Variants in VCF1 observed in about 807,000 individuals in gnomAD.
VCF1 encodes the protein protein VCF1.
At chr17:73,220,871 G>A in the VCF1 span, among the ~76,000 whole-genome samples, 1 of 147,346 alleles carries the variant, frequency 6.8e-6, no homozygotes, top group Non-Finnish European at 1.5e-5. Flanking sequence ...CTTTTAAAAG[G>A]TATTGCTTTT....
the VCF1 span, chr17:73,227,244 T>C: frequency 6.4e-7 from 1 of 1,574,394 alleles, no homozygotes. Context: ...GTCTTCTTCG[T>C]TGCCATTCCT....
At chr17:73,220,162 A>G in the VCF1 span, among the ~76,000 whole-genome samples, 3 of 152,180 alleles carry the variant, frequency 2.0e-5, no homozygotes, top group Admixed American at 6.6e-5. Flanking sequence ...AGAGCTTAAA[A>G]TAACATTTAA....
chr17:73,227,108 A>G, the VCF1 span: 19 of 1,200,960 alleles, frequency 1.6e-5, no homozygotes, highest in African/African-American at 2.5e-4. Flanking sequence ...CACAGCAGAT[A>G]CTAGGTTATT....
chr17:73,227,157 C>T, the VCF1 span: 1 of 1,566,526 alleles, frequency 6.4e-7, no homozygotes, highest in Non-Finnish European at 8.7e-7. Flanking sequence ...TGTGACCACA[C>T]TTCCTACCTC....
At chr17:73,207,651 T>G in the VCF1 span, 1 of 1,282,222 alleles carries the variant, frequency 7.8e-7, no homozygotes, top group African/African-American at 1.5e-5. Flanking sequence ...AACAGAAAAT[T>G]TGTTTCCCCA....
the VCF1 span, chr17:73,229,499 T>G: frequency 4.1e-6 from 4 of 985,326 alleles, no homozygotes; most frequent in African/African-American, 7.0e-5. Flanking sequence ...AGATGGTTGA[T>G]TCCATCACGT....
the VCF1 span, among the ~76,000 whole-genome samples, chr17:73,222,327 AT>A: frequency 2.0e-5 from 3 of 151,936 alleles, no homozygotes; most frequent in East Asian, 5.8e-4. Flanking sequence ...CTAATCAGAG[AT>A]TTGGAAAAAA....
the VCF1 span, chr17:73,232,192 C>T: frequency 1.2e-6 from 2 of 1,609,844 alleles, no homozygotes; most frequent in East Asian, 4.5e-5. Flanking sequence ...CCGCCACGCC[C>T]ACCCCCTCGG....
the VCF1 span, chr17:73,232,362 C>A: frequency 3.4e-6 from 5 of 1,473,218 alleles, no homozygotes; most frequent in Admixed American, 2.3e-5. Context: ...CCATCCCAAC[C>A]GCACCGACTG....
At chr17:73,208,255 C>T in the VCF1 span, 30 of 1,610,340 alleles carry the variant, frequency 1.9e-5, no homozygotes, top group Middle Eastern at 2.2e-4. Context: ...GCGCGGAGGG[C>T]GAGTGGGCAG....
At chr17:73,215,501 T>C in the VCF1 span, among the ~76,000 whole-genome samples, 1 of 152,064 alleles carries the variant, frequency 6.6e-6, no homozygotes, top group Non-Finnish European at 1.5e-5. Context: ...CTTGAACTCC[T>C]GGGCTCAAGA....
chr17:73,232,167 G>A, the VCF1 span: 3 of 1,609,890 alleles, frequency 1.9e-6, no homozygotes, highest in African/African-American at 2.7e-5. Flanking sequence ...AACAGAGGGG[G>A]TTGTGTTTCG....
At chr17:73,223,853 T>C in the VCF1 span, among the ~76,000 whole-genome samples, 1 of 151,564 alleles carries the variant, frequency 6.6e-6, no homozygotes, top group East Asian at 2.0e-4. Flanking sequence ...TGGTGGCACA[T>C]CCCTGTAGTC....
At chr17:73,221,354 G>GA in the VCF1 span, among the ~76,000 whole-genome samples, 1 of 151,480 alleles carries the variant, frequency 6.6e-6, no homozygotes, top group African/African-American at 2.4e-5. Context: ...TATTAAAACT[G>GA]AAAGTAAAGA....
chr17:73,220,894 A>ATTTTTTTTTTT, the VCF1 span, among the ~76,000 whole-genome samples: 1 of 96,670 alleles, frequency 1.0e-5, no homozygotes, highest in African/African-American at 4.2e-5. Context: ...TTTAATTTAG[A>ATTTTTTTTTTT]TTTTTTTTTT....
chr17:73,221,162 G>A, the VCF1 span, among the ~76,000 whole-genome samples: 1 of 145,130 alleles, frequency 6.9e-6, no homozygotes, highest in Non-Finnish European at 1.5e-5. Flanking sequence ...CTCCCAAAGT[G>A]CTGGGATTGC....
the VCF1 span, among the ~76,000 whole-genome samples, chr17:73,231,532 T>C: frequency 0.51 from 77,799 of 152,030 alleles, 20,023 homozygotes; most frequent in East Asian, 0.6. Flanking sequence ...TTGTTCTTAA[T>C]GCCACAGTCA....
At chr17:73,227,672 T>C in the VCF1 span, 1 of 986,090 alleles carries the variant, frequency 1.0e-6, no homozygotes, top group Non-Finnish European at 1.2e-6. Flanking sequence ...ACATTTGATA[T>C]AAGAGTGGCT....
the VCF1 span, chr17:73,207,646 A>C: frequency 1.6e-6 from 2 of 1,274,986 alleles, no homozygotes; most frequent in Non-Finnish European, 2.1e-6. Flanking sequence ...GAAGTAACAG[A>C]AAATTTGTTT....
Sources: gnomAD v4.1 joint callset for allele counts (sites outside exome capture counted in the v4.1 genomes callset) on GRCh38, gnomAD v4.1.1 for gene constraint, MANE v1.5 for transcripts, NCBI Gene and HGNC (gene_info 2026-07-23, HGNC 2026-07-21) for gene names.